Variants in CALN1 observed in about 807,000 individuals in gnomAD.
CALN1 encodes the protein calcium-binding protein 8.
In CALN1, 17 loss-of-function variants were observed where a neutral mutation model predicts 30.6. The observed-to-expected ratio is 0.56, with a 90% CI of 0.38 to 0.83. The LOEUF is 0.83. CALN1 is among the 40% of genes least tolerant of loss of function. The pLI, the probability that CALN1 is intolerant of heterozygous loss-of-function variation, is 0.00. For missense variants in CALN1, 291 were observed against 354.9 expected (o/e 0.82, Z 1.45); for synonymous variants, 156 against 131.4 (o/e 1.19, Z -1.28).
At chr7:72,257,105 G>A (rs10950304) in intron 3 of CALN1, among the ~76,000 whole-genome samples, 54,407 of 152,108 alleles carry the variant, frequency 0.36, 10,682 homozygotes, top group Middle Eastern at 0.55. Flanking sequence ...AGAGAAGCAA[G>A]GCACATCTTA....
chr7:72,369,026 G>C (rs2968498), intron 2 of CALN1, among the ~76,000 whole-genome samples: 54,026 of 150,852 alleles, frequency 0.36, 10,498 homozygotes, highest in Middle Eastern at 0.52. Flanking sequence ...TGTTGGCCAG[G>C]CTGATCTCGA....
At chr7:72,129,837 T>G (rs1490723995) in intron 3 of CALN1, among the ~76,000 whole-genome samples, 1 of 152,060 alleles carries the variant, frequency 6.6e-6, no homozygotes, top group Non-Finnish European at 1.5e-5. Flanking sequence ...TGGAAGAGTA[T>G]TGCTATGGTT....
At chr7:71,947,649 T>C (rs980254158) in intron 5 of CALN1, among the ~76,000 whole-genome samples, 6 of 152,084 alleles carry the variant, frequency 3.9e-5, no homozygotes, top group African/African-American at 1.2e-4. Flanking sequence ...TTACAATTTT[T>C]AAAAATTGCT....
At chr7:72,409,018 CAG>C (rs758060085) in intron 1 of CALN1, among the ~76,000 whole-genome samples, 10 of 151,878 alleles carry the variant, frequency 6.6e-5, no homozygotes, top group East Asian at 3.9e-4. Flanking sequence ...AGCGGTGGAA[CAG>C]AGTCTTGCTC....
intron 2 of CALN1, among the ~76,000 whole-genome samples, chr7:72,301,733 T>A (rs1799274148): frequency 6.6e-6 from 1 of 151,666 alleles, no homozygotes; most frequent in South Asian, 2.1e-4. Flanking sequence ...CCCTTCCCAG[T>A]CTTGAACCCT....
intron 3 of CALN1, among the ~76,000 whole-genome samples, chr7:72,138,711 T>A (rs1274571215): frequency 8.5e-5 from 13 of 152,174 alleles, no homozygotes; most frequent in Admixed American, 7.9e-4. Flanking sequence ...TGAAAATTGG[T>A]TTCACGACAA....
intron 5 of CALN1, among the ~76,000 whole-genome samples, chr7:71,888,350 G>A (rs1469180562): frequency 2.0e-5 from 3 of 151,346 alleles, no homozygotes; most frequent in Non-Finnish European, 4.4e-5. Context: ...AGAACTCTAT[G>A]AATATACTGA....
intron 4 of CALN1, among the ~76,000 whole-genome samples, chr7:72,083,144 T>C (rs1314085449): frequency 1.3e-5 from 2 of 151,714 alleles, no homozygotes; most frequent in African/African-American, 4.8e-5. Flanking sequence ...GAGGATGCAG[T>C]GAGCCGAGAT....
intron 2 of CALN1, among the ~76,000 whole-genome samples, chr7:72,374,727 A>G (rs1022962298): frequency 6.6e-6 from 1 of 152,186 alleles, no homozygotes; most frequent in Non-Finnish European, 1.5e-5. Flanking sequence ...AATTATATCC[A>G]AAATTGTTCT....
chr7:72,307,136 C>T (rs1799711241), intron 2 of CALN1, among the ~76,000 whole-genome samples: 1 of 152,054 alleles, frequency 6.6e-6, no homozygotes, highest in Non-Finnish European at 1.5e-5. Context: ...CTCAAATTAG[C>T]CCTATCTCAG....
chr7:72,421,770 A>G (rs567181304), intron 1 of CALN1, among the ~76,000 whole-genome samples: 14 of 151,680 alleles, frequency 9.2e-5, no homozygotes, highest in Admixed American at 9.2e-4. Context: ...TGTAATTTTT[A>G]GTAGAGACAG....
chr7:72,455,150 T>C, the CALN1 span, among the ~76,000 whole-genome samples: 1 of 151,874 alleles, frequency 6.6e-6, no homozygotes. Context: ...TTACAAGAAA[T>C]TTCTGGCTGG....
At chr7:72,089,256 G>A (rs1022880352) in intron 4 of CALN1, among the ~76,000 whole-genome samples, 30 of 151,986 alleles carry the variant, frequency 2.0e-4, no homozygotes, top group African/African-American at 7.0e-4. Context: ...AGCTGTTAGA[G>A]ATAATCTCAC....
At chr7:72,365,709 GTGT>G in intron 2 of CALN1, among the ~76,000 whole-genome samples, 1 of 152,292 alleles carries the variant, frequency 6.6e-6, no homozygotes, top group South Asian at 2.1e-4. Context: ...GGGATTACAG[GTGT>G]GAGCAACTAT....
intron 5 of CALN1, among the ~76,000 whole-genome samples, chr7:71,959,387 T>C (rs193223488): frequency 6.6e-5 from 10 of 152,320 alleles, no homozygotes; most frequent in Admixed American, 1.3e-4. Context: ...GTTGTTTTTA[T>C]ATATTTGGAA....
intron 5 of CALN1, among the ~76,000 whole-genome samples, chr7:71,890,216 C>T (rs773712775): frequency 3.9e-5 from 6 of 152,140 alleles, no homozygotes; most frequent in Non-Finnish European, 5.9e-5. Context: ...GCGATCCTCC[C>T]GCCTCAGCCT....
intron 3 of CALN1, among the ~76,000 whole-genome samples, chr7:72,150,451 A>C (rs7797453): frequency 0.27 from 41,470 of 152,122 alleles, 6,347 homozygotes; most frequent in Non-Finnish European, 0.35. Context: ...AGTGCTATTA[A>C]AAAAAACACT....
At chr7:71,832,853 G>A (rs183697460) in intron 5 of CALN1, among the ~76,000 whole-genome samples, 274 of 150,830 alleles carry the variant, frequency 1.8e-3, no homozygotes, top group Admixed American at 4.4e-3. Flanking sequence ...TGATCCACCC[G>A]CATTGGCCTC....
intron 6 of CALN1, 38 bp downstream of exon 6, chr7:71,810,298 T>A (rs781068735): frequency 1.2e-6 from 2 of 1,605,102 alleles, no homozygotes; most frequent in East Asian, 2.2e-5. Context: ...CATTGGCCTG[T>A]CCCGGACCGG....
Sources: gnomAD v4.1 joint callset for allele counts (sites outside exome capture counted in the v4.1 genomes callset) on GRCh38, gnomAD v4.1.1 for gene constraint, MANE v1.5 for transcripts, NCBI Gene and HGNC (gene_info 2026-07-23, HGNC 2026-07-21) for gene names.